Variants in GALNT13 observed in about 807,000 individuals in gnomAD.
The protein encoded by GALNT13 is polypeptide N-acetylgalactosaminyltransferase 13, also known as UDP-GalNAc:polypeptide N-acetylgalactosaminyltransferase 13.
A neutral mutation model predicts 64.2 loss-of-function variants in GALNT13; 28 were observed. The ratio of observed to expected loss-of-function variants is 0.44; its 90% CI spans 0.32 to 0.60. The LOEUF (loss-of-function observed/expected upper bound fraction) is 0.60, where lower values mean the gene tolerates loss of function less well. Among genes scored for constraint, GALNT13 ranks in the 20% least tolerant of loss-of-function variants. GALNT13 has a pLI of 0.05. For missense variants in GALNT13, 577 were observed against 669.8 expected (o/e 0.86, Z 1.53); for synonymous variants, 214 against 224.6 (o/e 0.95, Z 0.42).
chr2:153,458,232 AATCAGTAGT>A, the GALNT13 span, among the ~76,000 whole-genome samples: 17 of 151,354 alleles, frequency 1.1e-4, no homozygotes, highest in East Asian at 3.9e-4. Context: ...TTTAAAAAAA[AATCAGTAGT>A]TTTTTTTTGT....
intron 4 of GALNT13, among the ~76,000 whole-genome samples, chr2:154,145,082 ATC>A (rs1683498451): frequency 9.5e-6 from 1 of 105,346 alleles, no homozygotes; most frequent in African/African-American, 3.1e-5. Context: ...CTATCTATCT[ATC>A]TATCTATCTA....
intron 8 of GALNT13, among the ~76,000 whole-genome samples, chr2:154,291,718 G>T (rs557177761): frequency 1.3e-5 from 2 of 152,198 alleles, no homozygotes; most frequent in East Asian, 1.9e-4. Flanking sequence ...GCTGGCTCCC[G>T]CCTTGGCCAG....
At chr2:154,077,540 G>T (rs2105404816) in intron 3 of GALNT13, among the ~76,000 whole-genome samples, 1 of 151,572 alleles carries the variant, frequency 6.6e-6, no homozygotes, top group Non-Finnish European at 1.5e-5. Context: ...TTCATCTATT[G>T]AATTGGCAAA....
At chr2:153,235,133 A>G in the GALNT13 span, among the ~76,000 whole-genome samples, 1 of 152,100 alleles carries the variant, frequency 6.6e-6, no homozygotes, top group African/African-American at 2.4e-5. Flanking sequence ...TCCACCAACA[A>G]CAGGTAGTTG....
the GALNT13 span, among the ~76,000 whole-genome samples, chr2:153,770,170 G>T: frequency 1.7e-5 from 1 of 58,606 alleles, no homozygotes. Flanking sequence ...CCACCCCCCC[G>T]CCCCCCCACA....
chr2:153,705,391 C>T, the GALNT13 span, among the ~76,000 whole-genome samples: 4 of 147,794 alleles, frequency 2.7e-5, no homozygotes, highest in African/African-American at 1.0e-4. Context: ...GGAGGTACCA[C>T]TGTTAAAAAA....
chr2:153,923,045 G>C (rs1053024918), intron 2 of GALNT13, among the ~76,000 whole-genome samples: 2 of 151,778 alleles, frequency 1.3e-5, no homozygotes, highest in Admixed American at 6.6e-5. Flanking sequence ...GATTACAGGC[G>C]CCTGCCACAG....
chr2:153,614,244 G>C, the GALNT13 span, among the ~76,000 whole-genome samples: 1 of 151,962 alleles, frequency 6.6e-6, no homozygotes, highest in South Asian at 2.1e-4. Flanking sequence ...AAGATATTAT[G>C]AGTAAAATAG....
At chr2:153,803,584 C>G in the GALNT13 span, among the ~76,000 whole-genome samples, 2 of 148,720 alleles carry the variant, frequency 1.3e-5, no homozygotes, top group East Asian at 2.0e-4. Context: ...CCCAGCTACT[C>G]GGGAGGCTGA....
chr2:154,340,990 T>G (rs1022741793), intron 9 of GALNT13, among the ~76,000 whole-genome samples: 3 of 152,052 alleles, frequency 2.0e-5, no homozygotes, highest in African/African-American at 2.4e-5. Context: ...ATGCATATAT[T>G]CATATATAAT....
intron 12 of GALNT13, among the ~76,000 whole-genome samples, chr2:154,443,921 C>T (rs1191468127): frequency 6.6e-6 from 1 of 152,028 alleles, no homozygotes; most frequent in Admixed American, 6.6e-5. Context: ...ATATTATAAA[C>T]AAAACTCAAT....
At chr2:153,685,742 G>A in the GALNT13 span, among the ~76,000 whole-genome samples, 11 of 151,934 alleles carry the variant, frequency 7.2e-5, no homozygotes, top group African/African-American at 2.4e-4. Flanking sequence ...CGTTGCCCGT[G>A]CTTATGCCCT....
At chr2:153,256,352 C>G in the GALNT13 span, among the ~76,000 whole-genome samples, 3 of 152,180 alleles carry the variant, frequency 2.0e-5, no homozygotes, top group Non-Finnish European at 4.4e-5. Flanking sequence ...ATCGGTTAGT[C>G]TAGTTATACA....
At chr2:154,017,664 T>C (rs969684423) in intron 3 of GALNT13, among the ~76,000 whole-genome samples, 1 of 152,226 alleles carries the variant, frequency 6.6e-6, no homozygotes, top group African/African-American at 2.4e-5. Context: ...TATAAAGTTA[T>C]TCGTATCGCT....
the GALNT13 span, among the ~76,000 whole-genome samples, chr2:153,411,184 T>A: frequency 1.3e-5 from 2 of 150,256 alleles, no homozygotes; most frequent in Admixed American, 6.6e-5. Flanking sequence ...TATATATTTT[T>A]TTTTTTTCCT....
chr2:153,995,843 A>C (rs1025057742), intron 3 of GALNT13, among the ~76,000 whole-genome samples: 1 of 152,086 alleles, frequency 6.6e-6, no homozygotes, highest in African/African-American at 2.4e-5. Context: ...TTACCTCTTC[A>C]GCCTCTACCT....
the GALNT13 span, among the ~76,000 whole-genome samples, chr2:153,611,660 C>T: frequency 4.7e-5 from 7 of 149,504 alleles, no homozygotes; most frequent in Non-Finnish European, 5.9e-5. Context: ...CCATGCCTGA[C>T]CAAGCAGCAC....
the GALNT13 span, among the ~76,000 whole-genome samples, chr2:153,223,001 C>T: frequency 6.6e-6 from 1 of 152,362 alleles, no homozygotes; most frequent in Non-Finnish European, 1.5e-5. Flanking sequence ...CGCCTGTTCC[C>T]GGCCTGCTGG....
At chr2:153,655,756 T>C in the GALNT13 span, among the ~76,000 whole-genome samples, 1 of 152,098 alleles carries the variant, frequency 6.6e-6, no homozygotes, top group Non-Finnish European at 1.5e-5. Flanking sequence ...CTTAATTATT[T>C]CATATAAGAA....
Sources: allele counts gnomAD v4.1 joint callset (sites outside exome capture counted in the v4.1 genomes callset), GRCh38; gene constraint gnomAD v4.1.1; transcripts MANE v1.5; gene names NCBI Gene and HGNC (gene_info 2026-07-23, HGNC 2026-07-21).